ERBB2: variants seen among roughly 807,000 people sequenced by gnomAD.
ERBB2 encodes receptor tyrosine-protein kinase erbB-2.
Under a neutral mutation model 149.0 loss-of-function variants are expected in ERBB2, and 61 were observed. The observed-to-expected ratio is 0.41, with a 90% CI of 0.33 to 0.51. ERBB2 has a LOEUF of 0.51. ERBB2 is among the 20% of genes least tolerant of loss of function. ERBB2 has a pLI of 0.25. For missense variants in ERBB2, 1,205 were observed against 1,655.1 expected (o/e 0.73, Z 4.72); for synonymous variants, 633 against 678.8 (o/e 0.93, Z 1.05).
upstream of ERBB2, among the ~76,000 whole-genome samples, chr17:39,691,574 T>TATATATATACACACAC (rs1244087250): frequency 1.6e-5 from 2 of 122,048 alleles, no homozygotes; most frequent in African/African-American, 7.9e-5. Context: ...TATATATATA[T>TATATATATACACACAC]ACACACACAC....
At chr17:39,713,665 A>G (rs896132687) in intron 9 of ERBB2, among the ~76,000 whole-genome samples, 1 of 151,392 alleles carries the variant, frequency 6.6e-6, no homozygotes, top group Admixed American at 6.6e-5. Context: ...AGGCAGGAGA[A>G]TTGCATGAAC....
chr17:39,715,398 G>A (rs2145635451), intron 10 of ERBB2, 39 bp downstream of exon 10: 1 of 1,613,676 alleles, frequency 6.2e-7, no homozygotes, highest in Middle Eastern at 1.7e-4. Flanking sequence ...CAGGGGCTGG[G>A]AGTCCTTGTC....
upstream of ERBB2, among the ~76,000 whole-genome samples, chr17:39,691,934 C>CATATACATATACAT (rs564472045): frequency 2.2e-4 from 27 of 120,882 alleles, no homozygotes; most frequent in African/African-American, 3.6e-4. Context: ...TATACATATA[C>CATATACATATACAT]ATATATATAT....
chr17:39,718,043 C>G (rs1028825739), intron 15 of ERBB2, among the ~76,000 whole-genome samples: 11 of 152,338 alleles, frequency 7.2e-5, no homozygotes, highest in South Asian at 2.1e-4. Context: ...AACCCCTGAC[C>G]TCAGGTGATC....
intron 9 of ERBB2, among the ~76,000 whole-genome samples, chr17:39,712,737 G>T (rs939502258): frequency 6.6e-6 from 1 of 152,172 alleles, no homozygotes; most frequent in South Asian, 2.1e-4. Flanking sequence ...CCCCAAATTG[G>T]AAATAACTCA....
rs2145865545 is a variant in ERBB2, at chr17:39,725,135, A to T, written c.2580A>T (p.Lys860Asn). ...NVLVKSPNHV[K>N]ITDFGLARLL... Reference sequence around the variant, plus strand: ...TGGTCAAGAGTCCCAACCATGTCAAAATTACAGACTTCGGGCTGGCTCGGC... The same window carrying T: ...TGGTCAAGAGTCCCAACCATGTCAATATTACAGACTTCGGGCTGGCTCGGC... Residue 860 changes from lysine (K) to asparagine (N), a missense_variant, in exon 21 of 27, where the codon AAA becomes AAT. Physicochemically the swap from Lys to Asn is moderately conservative, Grantham distance 94. This residue lies in a region of ERBB2 where 152 missense variants were observed against 318.1 expected (regional missense o/e 0.48). Coordinates refer to ENST00000269571, the MANE Select transcript of ERBB2 (RefSeq NM_004448.4). This position sits in a 1 kb window ranked among gnomAD's most constrained non-coding sequence, Gnocchi z 4.6. 2 of 1,614,100 alleles carry T rather than the reference A, an allele frequency of 1.2e-6. No homozygotes were observed. The highest frequency in any genetic ancestry group is 1.6e-4 in the Middle Eastern group (1 of 6,062).
At position 39,725,102 on chromosome 17, in the gene ERBB2, G is replaced by A. The variant is rs766022187; in HGVS notation, c.2547G>A (p.Arg849=). The change falls in exon 21 of 27, where the codon CGG becomes CGA. Residue 849 remains arginine, a synonymous_variant. Coordinates refer to ENST00000269571, the MANE Select transcript of ERBB2 (RefSeq NM_004448.4). The surrounding 1 kb of genome is among the most constrained non-coding windows in gnomAD (Gnocchi z 4.6). ...TCGTACACAGGGACTTGGCCGCTCG[G>A]AACGTGCTGGTCAAGAGTCCCAACC... ...VRLVHRDLAA[R]NVLVKSPNHV... is the part of the protein sequence containing the mutation. 2.5e-6 allele frequency: 4 copies of A among 1,614,174 alleles called. No individual in the cohort carries two copies. In the South Asian group the frequency reaches 4.4e-5, roughly 18 times the overall value.
chr17:39,699,117 G>A (rs1358523985), upstream of ERBB2, among the ~76,000 whole-genome samples: 3 of 152,090 alleles, frequency 2.0e-5, no homozygotes, highest in African/African-American at 7.2e-5. Context: ...TTGGGTGCTG[G>A]GTGCCTCCTT....
At chr17:39,690,180 G>C (rs2057663829), upstream of ERBB2, among the ~76,000 whole-genome samples, 1 of 152,052 alleles carries the variant, frequency 6.6e-6, no homozygotes, top group African/African-American at 2.4e-5. Flanking sequence ...CAACCTCCCA[G>C]ACTCAAGTGA....
chr17:39,724,559 A>T (rs1407762729), intron 19 of ERBB2, among the ~76,000 whole-genome samples, 167 bp from the exon 20 acceptor site: 1 of 151,740 alleles, frequency 6.6e-6, no homozygotes, highest in East Asian at 1.9e-4. Context: ...TGCCCGGCCT[A>T]ATCTTTGTAT....
At chr17:39,716,689 T>A in intron 14 of ERBB2, 84 bp downstream of exon 14, 2 of 1,182,520 alleles carry the variant, frequency 1.7e-6, no homozygotes, top group Non-Finnish European at 2.5e-6. Flanking sequence ...CGAGATGCAG[T>A]AGGGTGTGCT....
Position 39,728,073 on chromosome 17 carries a change from G to T in ERBB2, c.*29G>T. On this transcript the variant is annotated 3_prime_UTR_variant, in exon 27 of 27. Transcript: ENST00000269571. ...AGAAGGCCAAGTCCGCAGAAGCCCT[G>T]ATGTGTCCTCAGGGAGCAGGGAAGG... 6.7e-7 allele frequency: 1 copy of T among 1,496,218 alleles called. No homozygotes were observed. Among genetic ancestry groups the T allele is most frequent in the South Asian group, 1.2e-5 (1 of 82,840 alleles). 92.7% of individuals were successfully genotyped at this position (1,496,218 alleles called of 1,614,324 possible). A position where few individuals can be genotyped will look rare whatever the true frequency, so the allele number is the denominator to read the frequency against.
upstream of ERBB2, among the ~76,000 whole-genome samples, chr17:39,695,704 T>TACACACACACACACACACACACACACAC (rs56249643): frequency 3.1e-5 from 3 of 96,658 alleles, no homozygotes; most frequent in East Asian, 4.1e-4. Context: ...GGTGCATGCA[T>TACACACACACACACACACACACACACAC]ACACACACAC....
At chr17:39,694,274 T>TACAC, upstream of ERBB2, among the ~76,000 whole-genome samples, 1 of 47,942 alleles carries the variant, frequency 2.1e-5, no homozygotes, top group African/African-American at 6.8e-5. Flanking sequence ...TATATGTGTG[T>TACAC]ATATATATAT....
Position 39,723,513 on chromosome 17 carries a change from C to A in ERBB2, c.2086-25C>A. The A allele has an allele frequency of 6.2e-7, 1 of 1,613,242 alleles. No homozygotes were observed. ...GTGGGGTCTGCACCGGCCCCCGGCA[C>A]TGACCCACCACCCCCTCACCCCAGC... On this transcript the variant is annotated intron_variant, in intron 17 of 26. Transcript: ENST00000269571. This position sits in a 1 kb window ranked among gnomAD's most constrained non-coding sequence, Gnocchi z 6.2.
At position 39,728,288 on chromosome 17, in the gene ERBB2, G is replaced by A. The variant is rs1025255685; in HGVS notation, c.*244G>A. 3 of 444,662 alleles carry A rather than the reference G, an allele frequency of 6.7e-6. No individual in the cohort carries two copies. Among genetic ancestry groups the A allele is most frequent in the Non-Finnish European group, 1.2e-5 (3 of 248,232 alleles). 27.5% of individuals were successfully genotyped at this position (444,662 alleles called of 1,614,324 possible). A position where few individuals can be genotyped will look rare whatever the true frequency, so the allele number is the denominator to read the frequency against. On this transcript the variant is annotated 3_prime_UTR_variant, in exon 27 of 27. Coordinates refer to ENST00000269571, the MANE Select transcript of ERBB2 (RefSeq NM_004448.4). ...TGTGGATTCTGAGGCCCTGCCCAAT[G>A]AGACTCTAGGGTCCAGTGGATGCCA...
At chr17:39,696,639 G>A (rs1433508930), upstream of ERBB2, 4 of 152,168 alleles carry the variant, frequency 2.6e-5, no homozygotes, top group Admixed American at 6.6e-5. Flanking sequence ...TTTAGCTCGT[G>A]GAATCTCAAG....
At chr17:39,706,865 G>A (rs976089529) in intron 1 of ERBB2, 125 bp from the exon 2 acceptor site, 1 of 910,158 alleles carries the variant, frequency 1.1e-6, no homozygotes, top group African/African-American at 1.7e-5. Flanking sequence ...CATGGGCGGA[G>A]GGGTCCTTCA....
rs185118399 is a variant in ERBB2 at position 39,721,122 on chromosome 17, A to T, written c.1946+1288A>T. On this transcript the variant is annotated intron_variant, in intron 16 of 26. Coordinates refer to ENST00000269571, the MANE Select transcript of ERBB2 (RefSeq NM_004448.4). The stretch of plus-strand genomic sequence containing the variant: ...CCACCACGCCTGGGTAATTTAAAAA[A>T]TTTTTTTTGTATAGACAGGGTCTCA... 2.6e-3 allele frequency among the ~76,000 whole-genome samples: 395 copies of T among 151,874 alleles called. 2 individuals are homozygous for T. Among genetic ancestry groups the T allele is most frequent in the Non-Finnish European group, 4.5e-3 (303 of 67,940 alleles).
Sources: gnomAD v4.1 joint callset for allele counts (sites outside exome capture counted in the v4.1 genomes callset) on GRCh38, gnomAD v4.1.1 for gene constraint, gnomAD v4.1.1 regional missense constraint, Gnocchi (gnomAD v3.1) non-coding constraint, MANE v1.5 for transcripts, NCBI Gene and HGNC (gene_info 2026-07-23, HGNC 2026-07-21) for gene names.